Variants in WDR36 observed in about 807,000 individuals in gnomAD.
WDR36 encodes WD repeat domain 36, also known as WD repeat-containing protein 36.
Under a neutral mutation model 112.7 loss-of-function variants are expected in WDR36, and 63 were observed. The observed-to-expected ratio is 0.56, with a 90% confidence interval of 0.46 to 0.69. The LOEUF (loss-of-function observed/expected upper bound fraction) is 0.69. WDR36 is among the 30% of genes least tolerant of loss of function. The pLI, the probability that WDR36 is intolerant of heterozygous loss-of-function variation, is 0.00. For synonymous variants in WDR36, 410 were observed against 362.2 expected, an observed-to-expected ratio of 1.13 and a Z score of -1.50; for missense variants, 1,226 against 1,070.3, an observed-to-expected ratio of 1.15 and a Z score of -2.03.
intron 5 of WDR36, 28 bp downstream of exon 5, chr5:111,100,749 A>T (rs745568890): frequency 8.8e-6 from 14 of 1,599,968 alleles, no homozygotes; most frequent in Non-Finnish European, 1.2e-5. Flanking sequence ...AAAATAATAT[A>T]GCTGTCACCT....
In WDR36 at chr5:111,098,013, T is replaced by C. The variant is rs540116049; in HGVS notation, c.292-709T>C. 3.1e-4 allele frequency among the ~76,000 whole-genome samples: 47 copies of C among 152,336 alleles called. No homozygotes were observed. In the South Asian group the frequency reaches 9.3e-3, roughly 30 times the overall value. On this transcript the variant is annotated intron_variant, in intron 3 of 22. Coordinates refer to ENST00000513710, the MANE Select transcript of WDR36 (RefSeq NM_139281.3). ...ATATGTGATTTACATGAGGAGACTT[T>C]ATCCTATATGTATAACCTATATGTG...
chr5:111,110,352 CTAG>C, intron 13 of WDR36, 49 bp downstream of exon 13: 1 of 1,427,214 alleles, frequency 7.0e-7, no homozygotes, highest in Non-Finnish European at 9.9e-7. Context: ...AGATACAAAA[CTAG>C]TAGTGAAAGC....
At chr5:111,115,982 G>T (rs1443237643) in intron 16 of WDR36, among the ~76,000 whole-genome samples, 1 of 151,342 alleles carries the variant, frequency 6.6e-6, no homozygotes, top group Non-Finnish European at 1.5e-5. Context: ...TTGCTCTGTC[G>T]CCCAGGCTAG....
intron 15 of WDR36, 115 bp downstream of exon 15, chr5:111,111,393 G>A (rs1753338087): frequency 1.1e-6 from 1 of 888,438 alleles, no homozygotes; most frequent in Non-Finnish European, 1.8e-6. Flanking sequence ...TAATTTGCAG[G>A]CTATTTTTCA....
At chr5:111,123,982 G>C in intron 20 of WDR36, 58 bp downstream of exon 20, 2 of 1,610,434 alleles carry the variant, frequency 1.2e-6, no homozygotes, top group South Asian at 2.2e-5. Flanking sequence ...TGTGTTTTCT[G>C]CACTTCTTTA....
At position 111,106,085 on chromosome 5, in the gene WDR36, T is replaced by C; in HGVS notation, c.1122T>C (p.Arg374=). The C allele has an allele frequency of 6.2e-7, 1 of 1,609,946 alleles. No homozygotes were observed. The highest frequency in any genetic ancestry group is 8.5e-7 in the Non-Finnish European group (1 of 1,177,020). ...TAATAAATAAAAAGAGAGTTAAACG[T>C]AAAGGACTTCAGAATACCATGTCAG... The part of the protein sequence containing the change: ...HGLINKKRVK[R]KGLQNTMSVR... Residue 374 remains arginine, a synonymous_variant, in exon 11 of 23, where the codon CGT becomes CGC. Coordinates refer to ENST00000513710, the MANE Select transcript of WDR36 (RefSeq NM_139281.3).
intron 16 of WDR36, among the ~76,000 whole-genome samples, chr5:111,114,646 C>T (rs761862807): frequency 3.3e-5 from 5 of 152,050 alleles, no homozygotes; most frequent in South Asian, 2.1e-4. Flanking sequence ...ACTGTATCCT[C>T]CTCAGGCTTC....
Position 111,126,721 on chromosome 5 carries a change from T to A in WDR36, c.2539-13T>A. On this transcript the variant is annotated splice_polypyrimidine_tract_variant and intron_variant, in intron 22 of 22. Transcript: ENST00000513710. ...TTTTCTTAAATGTTCAATCATCATA[T>A]TTTTCTTTGCAGTTACACCTTAAAA... 6.2e-7 allele frequency: 1 copy of A among 1,612,862 alleles called. No homozygotes were observed. The highest frequency in any genetic ancestry group is 8.5e-7 in the Non-Finnish European group (1 of 1,179,244).
chr5:111,094,885 TA>T (rs1752944046), intron 1 of WDR36, 34 bp from the exon 2 acceptor site: 2 of 1,527,316 alleles, frequency 1.3e-6, no homozygotes, highest in Admixed American at 1.8e-5. Context: ...TTATGTTTGT[TA>T]ATGAAAATTT....
chr5:111,119,457 C>T (rs954897326), intron 17 of WDR36, among the ~76,000 whole-genome samples: 23 of 152,114 alleles, frequency 1.5e-4, no homozygotes, highest in Admixed American at 1.0e-3. Context: ...AACTACTTTA[C>T]GACCTTGGCC....
chr5:111,106,253 A>T, intron 11 of WDR36, 110 bp downstream of exon 11: 4 of 1,010,540 alleles, frequency 4.0e-6, no homozygotes, highest in Non-Finnish European at 4.6e-6. Context: ...ATTAATAAGC[A>T]TTCAGAAGGT....
chr5:111,125,668 G>A lies in WDR36; in HGVS notation c.2411G>A (p.Arg804Gln), dbSNP rs1361732567. ...CCATCAGGAATTGAAACAGAGCTGC[G>A]AAGCTTGTCTCCTGATTGTGGTGGG... is the stretch of plus-strand genomic sequence containing the variant. ...SGPSGIETELRSLSPDCGGSI... is the reference protein window; with the variant it reads ...SGPSGIETELQSLSPDCGGSI... The change falls in exon 22 of 23, where the codon CGA (arginine) becomes CAA (glutamine). Residue 804 changes from arginine (R) to glutamine (Q), a missense_variant. Physicochemically the swap from Arg to Gln is conservative, Grantham distance 43. Transcript: ENST00000513710. 5.0e-6 allele frequency: 8 copies of A among 1,613,738 alleles called. No individual in the cohort carries two copies. The highest frequency in any genetic ancestry group is 1.7e-5 in the Admixed American group (1 of 59,986).
At position 111,123,817 on chromosome 5, in the gene WDR36, C is replaced by A. The variant is rs1753618632; in HGVS notation, c.2161C>A (p.Pro721Thr). The A allele has an allele frequency of 3.1e-6, 5 of 1,613,632 alleles. No homozygotes were observed. The highest frequency in any genetic ancestry group is 4.2e-6 in the Non-Finnish European group (5 of 1,179,836). ...NLDVIKKKNK[P>T]KEPPKVPKSA... is the part of the protein sequence containing the mutation. ...TTCTCTTAATCAGAAAAAGAATAAA[C>A]CAAAGGAACCACCCAAAGTACCCAA... Residue 721 changes from proline (P) to threonine (T), a missense_variant, in exon 20 of 23, where the codon CCA (proline) becomes ACA (threonine). Pro to Thr is a conservative substitution (Grantham distance 38, BLOSUM62 -1). Coordinates refer to ENST00000513710, the MANE Select transcript of WDR36 (RefSeq NM_139281.3).
At chr5:111,124,950 A>G (rs1293959661) in intron 21 of WDR36, among the ~76,000 whole-genome samples, 3 of 152,178 alleles carry the variant, frequency 2.0e-5, no homozygotes, top group Non-Finnish European at 4.4e-5. Context: ...GTCATTGGTG[A>G]TACTCTTTTT....
chr5:111,108,900 T>A (rs1275214531), intron 12 of WDR36, among the ~76,000 whole-genome samples: 1 of 151,332 alleles, frequency 6.6e-6, no homozygotes. Context: ...TAGCTGGAGT[T>A]GAGTCATTTT....
chr5:111,115,540 G>C (rs1183222206), intron 16 of WDR36, among the ~76,000 whole-genome samples: 3 of 151,978 alleles, frequency 2.0e-5, no homozygotes, highest in Non-Finnish European at 2.9e-5. Flanking sequence ...TATCATCTTT[G>C]CTCAGACTGT....
At position 111,127,848 on chromosome 5, in the gene WDR36, G is replaced by A. The variant is rs1287675062; in HGVS notation, c.*965G>A. 4.8e-6 allele frequency: 1 copy of A among 209,232 alleles called. No homozygotes were observed. Among genetic ancestry groups the A allele is most frequent in the Non-Finnish European group, 9.7e-6 (1 of 103,246 alleles). The allele number at this position is 209,232 out of a possible 1,614,324, so 13.0% of individuals were successfully genotyped here. A position where few individuals can be genotyped will look rare whatever the true frequency, so the allele number is the denominator to read the frequency against. Reference sequence around the variant, plus strand: ...CATAAATCCTTGCAAACAATTTTTAGCAATATTGTTTATTGCTACCACAGC... The same window carrying A: ...CATAAATCCTTGCAAACAATTTTTAACAATATTGTTTATTGCTACCACAGC... On this transcript the variant is annotated 3_prime_UTR_variant, in exon 23 of 23. Transcript: ENST00000513710.
At chr5:111,107,184 G>A (rs1173084278) in intron 11 of WDR36, 110 bp from the exon 12 acceptor site, 3 of 1,269,754 alleles carry the variant, frequency 2.4e-6, no homozygotes, top group Admixed American at 4.2e-5. Flanking sequence ...GATATTACCT[G>A]TTTGTTTTAC....
At chr5:111,114,127 G>A (rs1753406716) in intron 16 of WDR36, among the ~76,000 whole-genome samples, 2 of 152,136 alleles carry the variant, frequency 1.3e-5, no homozygotes, top group Non-Finnish European at 2.9e-5. Flanking sequence ...AGAGAAAGTG[G>A]TATGAACAGA....
Sources: gnomAD v4.1 joint callset for allele counts (sites outside exome capture counted in the v4.1 genomes callset) on GRCh38, gnomAD v4.1.1 for gene constraint, MANE v1.5 for transcripts, NCBI Gene and HGNC (gene_info 2026-07-23, HGNC 2026-07-21) for gene names.